PCDH9: variants seen among roughly 807,000 people sequenced by gnomAD.
PCDH9 encodes the protein protocadherin 9.
Under a neutral mutation model 70.6 loss-of-function variants are expected in PCDH9, and 24 were observed. The observed-to-expected ratio is 0.34, with a 90% CI of 0.25 to 0.48. PCDH9 has a LOEUF of 0.48. Among genes scored for constraint, PCDH9 ranks in the 20% least tolerant of loss-of-function variants. The probability of loss-of-function intolerance (pLI) is 0.99; values close to 1 mark genes in which losing one functional copy is unlikely to be tolerated. For synonymous variants in PCDH9, 562 were observed against 558.5 expected (o/e 1.01, Z -0.09); for missense variants, 1,281 against 1,503.6 (o/e 0.85, Z 2.45).
chr13:66,606,891 G>A (rs2077228714), intron 4 of PCDH9, among the ~76,000 whole-genome samples: 1 of 151,800 alleles, frequency 6.6e-6, no homozygotes, highest in Non-Finnish European at 1.5e-5. Context: ...TATTATTGTG[G>A]GTTACCACCT....
chr13:66,532,701 T>G (rs1384827716), intron 4 of PCDH9, among the ~76,000 whole-genome samples: 1 of 152,070 alleles, frequency 6.6e-6, no homozygotes, highest in South Asian at 2.1e-4. Flanking sequence ...TGCCCAATTT[T>G]TATATTTTCG....
intron 2 of PCDH9, among the ~76,000 whole-genome samples, chr13:66,949,592 G>A (rs1037124773): frequency 7.9e-5 from 12 of 151,910 alleles, no homozygotes; most frequent in African/African-American, 2.4e-4. Context: ...TTTAGAATTC[G>A]TTCCTCTGCA....
chr13:66,772,297 C>T (rs1217890661), intron 3 of PCDH9, among the ~76,000 whole-genome samples: 2 of 152,162 alleles, frequency 1.3e-5, no homozygotes, highest in African/African-American at 4.8e-5. Context: ...TCTCAAAACT[C>T]CCATCTTTTG....
intron 2 of PCDH9, among the ~76,000 whole-genome samples, chr13:66,922,539 C>A (rs1038490680): frequency 6.6e-6 from 1 of 151,422 alleles, no homozygotes; most frequent in Admixed American, 6.6e-5. Flanking sequence ...CTTATTCCAA[C>A]AACTCACCCA....
chr13:66,735,222 C>T, intron 3 of PCDH9, among the ~76,000 whole-genome samples: 1 of 152,160 alleles, frequency 6.6e-6, no homozygotes. Context: ...CTTCCTTTGA[C>T]ACATATGCTG....
At chr13:66,617,947 A>T (rs558284330) in intron 4 of PCDH9, among the ~76,000 whole-genome samples, 1 of 152,214 alleles carries the variant, frequency 6.6e-6, no homozygotes, top group South Asian at 2.1e-4. Context: ...GGGAGGAAGG[A>T]GACAGTCAGG....
At chr13:66,668,956 A>C (rs543818143) in intron 3 of PCDH9, among the ~76,000 whole-genome samples, 1 of 152,250 alleles carries the variant, frequency 6.6e-6, no homozygotes, top group South Asian at 2.1e-4. Context: ...AATTTGATAG[A>C]CCTAGAATTT....
intron 3 of PCDH9, among the ~76,000 whole-genome samples, chr13:66,785,727 AT>A (rs2080069170): frequency 6.6e-6 from 1 of 151,996 alleles, no homozygotes; most frequent in East Asian, 1.9e-4. Flanking sequence ...GTGAGTATTA[AT>A]TCACTCTTTC....
chr13:66,752,855 G>A (rs1292973481), intron 3 of PCDH9, among the ~76,000 whole-genome samples: 4 of 152,174 alleles, frequency 2.6e-5, no homozygotes, highest in African/African-American at 9.7e-5. Context: ...CTTTCAACAT[G>A]AGAGTAAACA....
intron 3 of PCDH9, among the ~76,000 whole-genome samples, chr13:66,842,580 T>C (rs1052060220): frequency 2.0e-5 from 3 of 152,320 alleles, no homozygotes; most frequent in African/African-American, 4.8e-5. Context: ...AATAGGGACA[T>C]TTCATCTCTT....
chr13:66,384,924 C>A (rs1192448332), intron 4 of PCDH9, among the ~76,000 whole-genome samples: 1 of 152,186 alleles, frequency 6.6e-6, no homozygotes, highest in Non-Finnish European at 1.5e-5. Context: ...CTGCCTCGGT[C>A]TCCCAAAGTG....
intron 2 of PCDH9, among the ~76,000 whole-genome samples, chr13:67,194,687 A>G (rs141884662): frequency 2.6e-5 from 4 of 152,138 alleles, no homozygotes; most frequent in African/African-American, 9.7e-5. Flanking sequence ...TAAAATTTGC[A>G]GTTTGAAGTT....
chr13:66,432,132 T>C (rs1028948147), intron 4 of PCDH9, among the ~76,000 whole-genome samples: 5 of 152,028 alleles, frequency 3.3e-5, no homozygotes, highest in African/African-American at 4.8e-5. Flanking sequence ...TGCTTATTTG[T>C]TATAAGAAAA....
intron 3 of PCDH9, among the ~76,000 whole-genome samples, chr13:66,872,930 T>C (rs978671828): frequency 6.6e-6 from 1 of 152,160 alleles, no homozygotes; most frequent in African/African-American, 2.4e-5. Flanking sequence ...TGATTAAATA[T>C]AGAGATGGCC....
At chr13:66,485,700 C>T (rs7332279) in intron 4 of PCDH9, among the ~76,000 whole-genome samples, 2,208 of 151,384 alleles carry the variant, frequency 0.015, 64 homozygotes, top group African/African-American at 0.05. Context: ...ATTCTTCAAC[C>T]CTATTATTTC....
At chr13:66,683,333 A>G (rs534384323) in intron 3 of PCDH9, among the ~76,000 whole-genome samples, 9 of 152,282 alleles carry the variant, frequency 5.9e-5, no homozygotes, top group Admixed American at 1.3e-4. Context: ...ATTGCCCTCA[A>G]TGGAGACATC....
chr13:66,398,517 C>G (rs1241271394), intron 4 of PCDH9, among the ~76,000 whole-genome samples: 1 of 151,974 alleles, frequency 6.6e-6, no homozygotes, highest in Non-Finnish European at 1.5e-5. Context: ...TTTGTTGATT[C>G]TCACAGATAT....
intron 2 of PCDH9, among the ~76,000 whole-genome samples, chr13:67,099,309 T>C (rs1362784095): frequency 6.6e-6 from 1 of 152,226 alleles, no homozygotes; most frequent in Non-Finnish European, 1.5e-5. Context: ...ATGCTATTTG[T>C]CAAATAATTA....
intron 3 of PCDH9, among the ~76,000 whole-genome samples, chr13:66,844,174 T>A (rs986342525): frequency 7.2e-5 from 11 of 152,202 alleles, no homozygotes; most frequent in Non-Finnish European, 1.0e-4. Context: ...TTGATTTTAT[T>A]TTCCAAATTC....
Sources: allele counts gnomAD v4.1 joint callset (sites outside exome capture counted in the v4.1 genomes callset), GRCh38; gene constraint gnomAD v4.1.1; transcripts MANE v1.5; gene names NCBI Gene and HGNC (gene_info 2026-07-23, HGNC 2026-07-21).